ELAPOR2: variants seen among roughly 807,000 people sequenced by gnomAD.
ELAPOR2 encodes endosome-lysosome associated apoptosis and autophagy regulator family member 2, also known as endosome/lysosome-associated apoptosis and autophagy regulator family member 2.
A neutral mutation model predicts 120.7 loss-of-function variants in ELAPOR2; 89 were observed. The ratio of observed to expected loss-of-function variants is 0.74; its 90% CI spans 0.62 to 0.88. ELAPOR2 has a LOEUF of 0.88. Ranked by LOEUF, ELAPOR2 falls within the 40% of genes least tolerant of loss-of-function variation. The pLI, the probability that ELAPOR2 is intolerant of heterozygous loss-of-function variation, is 0.00. For missense variants in ELAPOR2, 1,134 were observed against 1,251.6 expected, an observed-to-expected ratio of 0.91 and a Z score of 1.42; for synonymous variants, 444 against 444.9, an observed-to-expected ratio of 1.00 and a Z score of 0.03.
intron 1 of ELAPOR2, among the ~76,000 whole-genome samples, chr7:87,042,223 A>G (rs1170369172): frequency 6.6e-5 from 10 of 151,006 alleles, no homozygotes; most frequent in Non-Finnish European, 1.5e-4. Flanking sequence ...GTCAACAAGG[A>G]TACCCAGGAA....
At chr7:87,020,140 T>TTTAA (rs1380815430) in intron 1 of ELAPOR2, among the ~76,000 whole-genome samples, 5 of 152,158 alleles carry the variant, frequency 3.3e-5, no homozygotes, top group African/African-American at 1.2e-4. Flanking sequence ...TACACAGCTA[T>TTTAA]GGGTTTTAAT....
At chr7:87,015,766 A>G (rs549037469) in intron 1 of ELAPOR2, among the ~76,000 whole-genome samples, 1 of 152,352 alleles carries the variant, frequency 6.6e-6, no homozygotes, top group Admixed American at 6.5e-5. Context: ...CAGAGGTTGC[A>G]GTGAGCCAAG....
intron 21 of ELAPOR2, among the ~76,000 whole-genome samples, chr7:86,886,827 A>G (rs927556676): frequency 6.6e-6 from 1 of 152,062 alleles, no homozygotes; most frequent in Non-Finnish European, 1.5e-5. Context: ...AGGACCCTCG[A>G]TTTATCGAGG....
At chr7:86,911,441 ATGCCTTATCC>A (rs2116076385) in intron 15 of ELAPOR2, among the ~76,000 whole-genome samples, 1 of 152,250 alleles carries the variant, frequency 6.6e-6, no homozygotes, top group South Asian at 2.1e-4. Flanking sequence ...CATGGAGGAA[ATGCCTTATCC>A]TGTTCCTACT....
At chr7:86,905,149 GAAGAGAGAAAGAGAGAAAGAAAGA>G (rs1788937615) in intron 18 of ELAPOR2, among the ~76,000 whole-genome samples, 1 of 143,770 alleles carries the variant, frequency 7.0e-6, no homozygotes, top group Non-Finnish European at 1.5e-5. Flanking sequence ...AGAAAAGAAA[GAAGAGAGAAAGAGAGAAAGAAAGA>G]AAGAGAGAAA....
At chr7:87,043,492 C>T (rs1794850234) in intron 1 of ELAPOR2, among the ~76,000 whole-genome samples, 1 of 151,610 alleles carries the variant, frequency 6.6e-6, no homozygotes, top group Non-Finnish European at 1.5e-5. Flanking sequence ...AGCATATAAA[C>T]AGAGCCAAAG....
At chr7:87,022,235 C>T (rs1422600161) in intron 1 of ELAPOR2, among the ~76,000 whole-genome samples, 1 of 117,382 alleles carries the variant, frequency 8.5e-6, no homozygotes, top group African/African-American at 3.2e-5. Context: ...CCCCCTCCCC[C>T]CACCCCACAA....
At chr7:86,896,390 C>T (rs1007078746) in intron 19 of ELAPOR2, among the ~76,000 whole-genome samples, 43 of 152,024 alleles carry the variant, frequency 2.8e-4, no homozygotes, top group African/African-American at 8.9e-4. Context: ...TAGTTCTCTA[C>T]GGTTTTTTCC....
intron 15 of ELAPOR2, among the ~76,000 whole-genome samples, chr7:86,911,130 T>G (rs1223562952): frequency 6.6e-6 from 1 of 152,118 alleles, no homozygotes; most frequent in Admixed American, 6.6e-5. Context: ...AATAAGATTG[T>G]GATAGAAGTA....
At chr7:87,002,018 T>C (rs1198488787) in intron 1 of ELAPOR2, among the ~76,000 whole-genome samples, 1 of 152,116 alleles carries the variant, frequency 6.6e-6, no homozygotes, top group Non-Finnish European at 1.5e-5. Flanking sequence ...TCTGCTATTG[T>C]GTCAGGTATG....
rs779065328 is a variant in ELAPOR2, at chr7:86,939,991, A to G, written c.847+19T>C. 3.3e-6 allele frequency: 5 copies of G among 1,520,226 alleles called. No homozygotes were observed. Among genetic ancestry groups the G allele is most frequent in the Non-Finnish European group, 4.5e-6 (5 of 1,101,874 alleles). 94.2% of individuals were successfully genotyped at this position (1,520,226 alleles called of 1,614,324 possible). On this transcript the variant is annotated intron_variant, in intron 6 of 21. Coordinates refer to ENST00000450689, the MANE Select transcript of ELAPOR2 (RefSeq NM_001142749.3). ...TAAGATGTGACTGGTGACTACTAAA[A>G]CAGAATGCCATGAAATACCTTCAAT...
At chr7:86,886,271 A>G (rs79071901) in intron 21 of ELAPOR2, among the ~76,000 whole-genome samples, 31,872 of 152,044 alleles carry the variant, frequency 0.21, 5,316 homozygotes, top group African/African-American at 0.47. Context: ...ACAGTGTTGG[A>G]CCGCATTTGA....
At chr7:86,968,206 C>T (rs2116497593) in intron 1 of ELAPOR2, among the ~76,000 whole-genome samples, 1 of 152,272 alleles carries the variant, frequency 6.6e-6, no homozygotes, top group South Asian at 2.1e-4. Flanking sequence ...TTATAGGTAA[C>T]ACCCCAAAAC....
At chr7:87,009,686 T>C (rs1793592910) in intron 1 of ELAPOR2, among the ~76,000 whole-genome samples, 1 of 152,176 alleles carries the variant, frequency 6.6e-6, no homozygotes, top group South Asian at 2.1e-4. Context: ...AAGACTGGTG[T>C]TTCCAAATCC....
rs762567992 is a variant in ELAPOR2 at position 86,893,018 on chromosome 7, G to A, written c.2768C>T (p.Thr923Met). 58 of 1,584,428 alleles carry A rather than the reference G, an allele frequency of 3.7e-5. No individual in the cohort carries two copies. Among genetic ancestry groups the A allele is most frequent in the Admixed American group, 1.3e-4 (7 of 53,230 alleles). ...TCCCACCTTCAGCCAAAAGTCAACCGTTTCACAGGTTGCCAACTTTTTCTC... is the reference window on the plus strand; with the variant it reads ...TCCCACCTTCAGCCAAAAGTCAACCATTTCACAGGTTGCCAACTTTTTCTC... ...LPEKKLATCE[T>M]VDFWLKVGAG... The change falls in exon 20 of 22, where the codon ACG becomes ATG. Residue 923 changes from threonine (T) to methionine (M), a missense_variant. Coordinates refer to ENST00000450689, the MANE Select transcript of ELAPOR2 (RefSeq NM_001142749.3).
chr7:86,982,319 C>T (rs1358948008), intron 1 of ELAPOR2, among the ~76,000 whole-genome samples: 1 of 152,224 alleles, frequency 6.6e-6, no homozygotes, highest in Non-Finnish European at 1.5e-5. Context: ...GTTCTCCCAG[C>T]ATGGTGTTTG....
chr7:86,911,809 C>T (rs1789323366), intron 15 of ELAPOR2: 1 of 567,236 alleles, frequency 1.8e-6, no homozygotes. Flanking sequence ...AAAACATCCT[C>T]AAAGCACTTA....
chr7:87,025,397 T>C (rs1329525870), intron 1 of ELAPOR2, among the ~76,000 whole-genome samples: 1 of 152,042 alleles, frequency 6.6e-6, no homozygotes, highest in Admixed American at 6.6e-5. Context: ...AGAAATAAAG[T>C]CATAAAATGT....
intron 18 of ELAPOR2, among the ~76,000 whole-genome samples, chr7:86,906,633 C>A (rs1253004544): frequency 1.3e-5 from 2 of 152,016 alleles, no homozygotes. Context: ...TTAATATAAT[C>A]ATTTTCTCTT....
Sources: allele counts gnomAD v4.1 joint callset (sites outside exome capture counted in the v4.1 genomes callset), GRCh38; gene constraint gnomAD v4.1.1; transcripts MANE v1.5; gene names NCBI Gene and HGNC (gene_info 2026-07-23, HGNC 2026-07-21).